Variants in STC2 observed in about 807,000 individuals in gnomAD.
STC2 encodes the protein stanniocalcin 2.
STC2 carries 7 observed loss-of-function variants against 22.7 expected under a neutral mutation model. The observed-to-expected ratio is 0.31, with a 90% CI of 0.18 to 0.58. STC2 has a LOEUF of 0.58. Ranked by LOEUF, STC2 falls within the 20% of genes least tolerant of loss-of-function variation. STC2 has a pLI of 0.89. For synonymous variants in STC2, 158 were observed against 163.4 expected (o/e 0.97, Z 0.25); for missense variants, 336 against 406.2 (o/e 0.83, Z 1.48).
In STC2 at chr5:173,328,058, A is replaced by T; in HGVS notation, c.136T>A (p.Ser46Thr). ...ATGCACTTACCTGTATTCTGCAGGG[A>T]CAGGCGGCCTTTCTGCTGGGAGCTC... ...DRSSQQKGRL[S>T]LQNTAEIQHC... Residue 46 changes from serine to threonine, a missense_variant, in exon 1 of 4, where the codon TCC (serine) becomes ACC (threonine). Coordinates refer to ENST00000265087, the MANE Select transcript of STC2 (RefSeq NM_003714.3). 1 of 1,585,972 alleles carries T rather than the reference A, an allele frequency of 6.3e-7. No homozygotes were observed.
Position 173,316,535 on chromosome 5 carries a change from C to T in STC2, c.*1312G>A, listed in dbSNP as rs1415673664. 6.6e-6 allele frequency: 1 copy of T among 152,092 alleles called. No homozygotes were observed. The highest frequency in any genetic ancestry group is 1.5e-5 in the Non-Finnish European group (1 of 68,020). The allele number at this position is 152,092 out of a possible 1,614,324, so 9.4% of individuals were successfully genotyped here. Reference sequence around the variant, plus strand: ...ACTTTTAATGAAAATCCTCACTCTCCTTTCCTCGTATTTTTAGTTCTGTCT... The same window carrying T: ...ACTTTTAATGAAAATCCTCACTCTCTTTTCCTCGTATTTTTAGTTCTGTCT... On this transcript the variant is annotated 3_prime_UTR_variant, in exon 4 of 4. Transcript: ENST00000265087.
In STC2 at chr5:173,323,456, G is replaced by C; in HGVS notation, c.295-26C>G. 1 of 1,579,810 alleles carries C rather than the reference G, an allele frequency of 6.3e-7. No individual in the cohort carries two copies. The highest frequency in any genetic ancestry group is 1.8e-5 in the Admixed American group (1 of 55,720). On this transcript the variant is annotated intron_variant, in intron 2 of 3. Transcript: ENST00000265087. The surrounding 1 kb of genome is among the most constrained non-coding windows in gnomAD (Gnocchi z 5.4). Reference sequence around the variant, plus strand: ...CTGAGAACACACAGGCCGGGGAAGGGAGAGAGGGGCAGAAAGCAGAAGACC... The same window carrying C: ...CTGAGAACACACAGGCCGGGGAAGGCAGAGAGGGGCAGAAAGCAGAAGACC...
In STC2 at chr5:173,314,864, G is replaced by T; in HGVS notation, c.*2983C>A. ...GTGGTGCCAATTCTGAGATCAGACG[G>T]GGTTGTTCCTCCTTAGGAAGTGGCC... On this transcript the variant is annotated 3_prime_UTR_variant, in exon 4 of 4. Transcript: ENST00000265087. The surrounding 1 kb of genome is among the most constrained non-coding windows in gnomAD (Gnocchi z 4.6). 6.6e-6 allele frequency: 1 copy of T among 152,290 alleles called. No homozygotes were observed. The allele number at this position is 152,290 out of a possible 1,614,324, so 9.4% of individuals were successfully genotyped here. A position where few individuals can be genotyped will look rare whatever the true frequency, so the allele number is the denominator to read the frequency against.
At chr5:173,318,280 G>GAGAGAGAGAGAAAAGATTGAAAGCAA (rs1762449930) in intron 3 of STC2, 31 bp from the exon 4 acceptor site, 1 of 1,370,496 alleles carries the variant, frequency 7.3e-7, no homozygotes, top group African/African-American at 1.5e-5. Context: ...GAGAGAGAGA[G>GAGAGAGAGAGAAAAGATTGAAAGCAA]AGAGAGAGAG....
intron 3 of STC2, among the ~76,000 whole-genome samples, chr5:173,319,873 C>T (rs1762465219): frequency 6.6e-6 from 1 of 152,218 alleles, no homozygotes; most frequent in Non-Finnish European, 1.5e-5. Flanking sequence ...GGGCAAAGGG[C>T]TTTAAACCCC....
intron 2 of STC2, among the ~76,000 whole-genome samples, chr5:173,324,571 T>C (rs1669982892): frequency 1.3e-5 from 2 of 152,200 alleles, no homozygotes; most frequent in South Asian, 4.1e-4. Flanking sequence ...CCCCCTCTCT[T>C]TTGACTCTCC....
chr5:173,327,942 T>A (rs1021076690), intron 1 of STC2, 101 bp downstream of exon 1: 1 of 1,369,274 alleles, frequency 7.3e-7, no homozygotes, highest in Non-Finnish European at 9.5e-7. Context: ...TGCGTGGCCC[T>A]GGGTGGGCGC....
intron 3 of STC2, among the ~76,000 whole-genome samples, chr5:173,322,262 C>T (rs1047366215): frequency 4.6e-5 from 7 of 151,930 alleles, no homozygotes; most frequent in Non-Finnish European, 1.0e-4. Flanking sequence ...TTTCTTTCTG[C>T]CCTGTGTCTC....
Position 173,323,037 on chromosome 5 carries a change from T to C in STC2, c.506+182A>G. 1.6e-6 allele frequency: 1 copy of C among 612,726 alleles called. No homozygotes were observed. Among genetic ancestry groups the C allele is most frequent in the Non-Finnish European group, 2.9e-6 (1 of 343,076 alleles). The allele number at this position is 612,726 out of a possible 1,614,324, so 38.0% of individuals were successfully genotyped here. A position where few individuals can be genotyped will look rare whatever the true frequency, so the allele number is the denominator to read the frequency against. ...AGACTGATGAGGGAATTCTCTCTTT[T>C]CCTAAAAGCCAGCAGGAAAGGGGCC... On this transcript the variant is annotated intron_variant, in intron 3 of 3. Coordinates refer to ENST00000265087, the MANE Select transcript of STC2 (RefSeq NM_003714.3). This position sits in a 1 kb window ranked among gnomAD's most constrained non-coding sequence, Gnocchi z 5.4.
chr5:173,323,170 C>G lies in STC2; in HGVS notation c.506+49G>C. On this transcript the variant is annotated intron_variant, in intron 3 of 3. Transcript: ENST00000265087. The surrounding 1 kb of genome is among the most constrained non-coding windows in gnomAD (Gnocchi z 5.4). The stretch of plus-strand genomic sequence containing the variant: ...GCTCTCCTCCCATACACATTGCCAT[C>G]CTTGCTGGGTGGCCCCTTCACCCAG... 1 of 1,595,336 alleles carries G rather than the reference C, an allele frequency of 6.3e-7. No homozygotes were observed.
intron 1 of STC2, chr5:173,326,714 C>T: frequency 6.6e-6 from 1 of 152,110 alleles, no homozygotes; most frequent in East Asian, 1.9e-4. Flanking sequence ...AGGTATCACC[C>T]AATCCCCTAG....
chr5:173,327,321 AG>A (rs1183232426), intron 1 of STC2, among the ~76,000 whole-genome samples: 1 of 152,204 alleles, frequency 6.6e-6, no homozygotes, highest in Non-Finnish European at 1.5e-5. Context: ...AGCTGGGAAA[AG>A]GGCCAGCCCC....
Position 173,314,850 on chromosome 5 carries a change from T to A in STC2, c.*2997A>T, listed in dbSNP as rs1014072483. The A allele has an allele frequency of 1.3e-5, 2 of 152,230 alleles. No homozygotes were observed. Among genetic ancestry groups the A allele is most frequent in the Admixed American group, 1.3e-4 (2 of 15,282 alleles). The allele number at this position is 152,230 out of a possible 1,614,324, so 9.4% of individuals were successfully genotyped here. On this transcript the variant is annotated 3_prime_UTR_variant, in exon 4 of 4. Coordinates refer to ENST00000265087, the MANE Select transcript of STC2 (RefSeq NM_003714.3). The surrounding 1 kb of genome is among the most constrained non-coding windows in gnomAD (Gnocchi z 4.6). ...CTTAGCAAGCTCACGTGGTGCCAAT[T>A]CTGAGATCAGACGGGGTTGTTCCTC...
chr5:173,320,209 G>C (rs1366071530), intron 3 of STC2, among the ~76,000 whole-genome samples: 6 of 148,098 alleles, frequency 4.1e-5, no homozygotes, highest in Admixed American at 6.7e-5. Context: ...GGGGAGGGCT[G>C]TCTTGGGAAT....
intron 3 of STC2, chr5:173,322,968 A>T: frequency 1.8e-6 from 1 of 546,506 alleles, no homozygotes; most frequent in Non-Finnish European, 3.3e-6. Context: ...GACACATTTC[A>T]TTCTTAGTAA....
At chr5:173,327,128 C>CTT (rs1397613684) in intron 1 of STC2, among the ~76,000 whole-genome samples, 4 of 152,188 alleles carry the variant, frequency 2.6e-5, no homozygotes, top group Non-Finnish European at 4.4e-5. Flanking sequence ...CCACGCGCCG[C>CTT]CGGGGCAGGA....
At position 173,328,245 on chromosome 5, in the gene STC2, T is replaced by C. The variant is rs1762576376; in HGVS notation, c.-52A>G. On this transcript the variant is annotated 5_prime_UTR_variant, in exon 1 of 4. Coordinates refer to ENST00000265087, the MANE Select transcript of STC2 (RefSeq NM_003714.3). ...GAGACCTGGATCCTTTGTGCTCCCCTCTTCCTCCTCCTCCTCTTCCTCCTT... is the reference window on the plus strand; with the variant it reads ...GAGACCTGGATCCTTTGTGCTCCCCCCTTCCTCCTCCTCCTCTTCCTCCTT... The C allele has an allele frequency of 1.4e-6, 2 of 1,390,892 alleles. No homozygotes were observed. Among genetic ancestry groups the C allele is most frequent in the Middle Eastern group, 1.9e-4 (1 of 5,250 alleles). The allele number at this position is 1,390,892 out of a possible 1,614,324, so 86.2% of individuals were successfully genotyped here.
chr5:173,317,781 T>G lies in STC2; in HGVS notation c.*66A>C. ...TCCCCCCTCTCTAATGGTAAATGTTTTGGAATGTCCATAGATAAGAAAATG... is the reference window on the plus strand; with the variant it reads ...TCCCCCCTCTCTAATGGTAAATGTTGTGGAATGTCCATAGATAAGAAAATG... On this transcript the variant is annotated 3_prime_UTR_variant, in exon 4 of 4. Transcript: ENST00000265087. 2 of 1,495,294 alleles carry G rather than the reference T, an allele frequency of 1.3e-6. No homozygotes were observed. Among genetic ancestry groups the G allele is most frequent in the Non-Finnish European group, 1.8e-6 (2 of 1,119,884 alleles). The allele number at this position is 1,495,294 out of a possible 1,614,324, so 92.6% of individuals were successfully genotyped here. A position where few individuals can be genotyped will look rare whatever the true frequency, so the allele number is the denominator to read the frequency against.
intron 3 of STC2, 41 bp from the exon 4 acceptor site, chr5:173,318,290 GA>G: frequency 7.2e-7 from 1 of 1,379,364 alleles, no homozygotes. Flanking sequence ...GAGAGAGAGA[GA>G]GAGAGAGAGG....
Sources: gnomAD v4.1 joint callset for allele counts (sites outside exome capture counted in the v4.1 genomes callset) on GRCh38, gnomAD v4.1.1 for gene constraint, Gnocchi (gnomAD v3.1) non-coding constraint, MANE v1.5 for transcripts, NCBI Gene and HGNC (gene_info 2026-07-23, HGNC 2026-07-21) for gene names.